Variants in CDHR2 observed in about 807,000 individuals in gnomAD.
CDHR2 encodes cadherin related family member 2, also known as cadherin-related family member 2.
CDHR2 carries 104 observed loss-of-function variants against 138.6 expected under a neutral mutation model. That is an observed-to-expected ratio of 0.75 (90% confidence interval 0.64 to 0.88). CDHR2 has a LOEUF of 0.88. Among genes scored for constraint, CDHR2 ranks in the 40% least tolerant of loss-of-function variants. The pLI, the probability that CDHR2 is intolerant of heterozygous loss-of-function variation, is 0.00. For synonymous variants in CDHR2, 755 were observed against 742.8 expected (o/e 1.02, Z -0.27); for missense variants, 1,624 against 1,727.6 (o/e 0.94, Z 1.06).
chr5:176,592,394 TG>T (rs1192653039), intron 30 of CDHR2, among the ~76,000 whole-genome samples: 1 of 147,844 alleles, frequency 6.8e-6, no homozygotes, highest in Non-Finnish European at 1.5e-5. Flanking sequence ...ATGATGATGA[TG>T]GTGGTGGTGG....
At chr5:176,595,406 G>C in intron 31 of CDHR2, 126 bp from the exon 32 acceptor site, 2 of 1,063,406 alleles carry the variant, frequency 1.9e-6, no homozygotes, top group Non-Finnish European at 2.6e-6. Context: ...GCCCCAGGAG[G>C]GGCAGGGTGG....
chr5:176,554,498 G>A (rs972549460), intron 1 of CDHR2, among the ~76,000 whole-genome samples: 1 of 152,342 alleles, frequency 6.6e-6, no homozygotes, highest in Non-Finnish European at 1.5e-5. Context: ...ATTCTCACAG[G>A]GGAGGGAACG....
At chr5:176,566,369 A>T (rs900882198) in intron 3 of CDHR2, among the ~76,000 whole-genome samples, 1 of 152,240 alleles carries the variant, frequency 6.6e-6, no homozygotes, top group Non-Finnish European at 1.5e-5. Flanking sequence ...GAACGAATGA[A>T]GTTTGGGAAA....
Position 176,575,811 on chromosome 5 carries a change from C to A in CDHR2, c.932C>A (p.Ala311Glu). The A allele has an allele frequency of 6.4e-7, 1 of 1,553,266 alleles. No individual in the cohort carries two copies. Among genetic ancestry groups the A allele is most frequent in the Non-Finnish European group, 8.7e-7 (1 of 1,147,932 alleles). ...GSLDREQLLE[A>E]DEEVQLQVTA... ...CTGGACCGTGAGCAGCTGCTGGAGG[C>A]GGATGAGGAGGTGCAGCTGCAGGTC... The change falls in exon 11 of 32, where the codon GCG becomes GAG. Residue 311 changes from alanine to glutamate, a missense_variant. Transcript: ENST00000261944.
chr5:176,591,681 T>C, intron 30 of CDHR2, 197 bp downstream of exon 30: 1 of 598,086 alleles, frequency 1.7e-6, no homozygotes, highest in African/African-American at 1.8e-5. Context: ...GTGGTGATGA[T>C]GACAACAATG....
intron 1 of CDHR2, among the ~76,000 whole-genome samples, chr5:176,558,941 C>T (rs1050212459): frequency 6.6e-6 from 1 of 152,196 alleles, no homozygotes; most frequent in African/African-American, 2.4e-5. Flanking sequence ...AATTGCTCAA[C>T]TCTGTTCCAT....
At chr5:176,554,836 T>C (rs563861133) in intron 1 of CDHR2, among the ~76,000 whole-genome samples, 20 of 152,172 alleles carry the variant, frequency 1.3e-4, no homozygotes, top group Non-Finnish European at 2.1e-4. Flanking sequence ...GTATTTTTAG[T>C]AGAGACGGGG....
At chr5:176,550,760 C>T (rs1272359929) in intron 1 of CDHR2, among the ~76,000 whole-genome samples, 2 of 152,182 alleles carry the variant, frequency 1.3e-5, no homozygotes, top group African/African-American at 4.8e-5. Context: ...GGAGGACCCA[C>T]CTCCCCACCC....
At chr5:176,588,252 G>A (rs1758716881) in intron 21 of CDHR2, among the ~76,000 whole-genome samples, 2 of 149,738 alleles carry the variant, frequency 1.3e-5, no homozygotes, top group East Asian at 3.9e-4. Context: ...GTGTGTATAA[G>A]GGTGAGTGAG....
intron 16 of CDHR2, among the ~76,000 whole-genome samples, chr5:176,580,167 C>T (rs1380508286): frequency 2.7e-5 from 4 of 149,108 alleles, no homozygotes; most frequent in Non-Finnish European, 5.9e-5. Context: ...CTCACACACG[C>T]ACTCACACAC....
chr5:176,580,154 ACACTCACACACG>A (rs1020389665), intron 16 of CDHR2, among the ~76,000 whole-genome samples: 2 of 148,688 alleles, frequency 1.3e-5, no homozygotes, highest in Non-Finnish European at 3.0e-5. Flanking sequence ...ACTCACACAC[ACACTCACACACG>A]CACTCACACA....
intron 3 of CDHR2, 89 bp downstream of exon 3, chr5:176,565,832 C>A: frequency 1.1e-6 from 1 of 917,980 alleles, no homozygotes; most frequent in South Asian, 1.4e-5. Flanking sequence ...ACCATGCCTG[C>A]AACTCCATGG....
chr5:176,565,594 T>C (rs995158957), intron 2 of CDHR2, 78 bp from the exon 3 acceptor site: 13 of 1,366,310 alleles, frequency 9.5e-6, no homozygotes, highest in African/African-American at 1.4e-5. Flanking sequence ...TAAGGACTAG[T>C]GTGTGCTCCC....
chr5:176,585,077 C>T, intron 19 of CDHR2, 62 bp downstream of exon 19: 2 of 1,474,214 alleles, frequency 1.4e-6, no homozygotes, highest in Non-Finnish European at 1.8e-6. Flanking sequence ...GGGAAGGAGC[C>T]CTGGGCTGGA....
intron 6 of CDHR2, among the ~76,000 whole-genome samples, chr5:176,573,489 TA>T (rs1021373941): frequency 6.6e-6 from 1 of 150,720 alleles, no homozygotes; most frequent in Non-Finnish European, 1.5e-5. Flanking sequence ...AAAATATATA[TA>T]AAAAAAATTA....
intron 1 of CDHR2, among the ~76,000 whole-genome samples, chr5:176,551,732 C>T (rs1375649560): frequency 1.5e-5 from 2 of 130,526 alleles, no homozygotes; most frequent in Non-Finnish European, 3.1e-5. Flanking sequence ...GACAGAGTCT[C>T]GCTCTGTCAC....
Position 176,578,511 on chromosome 5 carries a change from T to C in CDHR2, c.1721T>C (p.Ile574Thr). ...CTGTCCTCCTCCACCACACTGCAGA[T>C]CCACCTGCTGGACATCAACGACAAT... is the stretch of plus-strand genomic sequence containing the variant. ...GNLSSSTTLQIHLLDINDNAP... is the reference protein window; with the variant it reads ...GNLSSSTTLQTHLLDINDNAP... The change falls in exon 16 of 32, where the codon ATC (isoleucine) becomes ACC (threonine). Residue 574 changes from isoleucine (I) to threonine (T), a missense_variant. By Grantham distance (89) the Ile-to-Thr change is moderately conservative. Transcript: ENST00000261944. The C allele has an allele frequency of 6.2e-7, 1 of 1,614,032 alleles. No homozygotes were observed. The highest frequency in any genetic ancestry group is 8.5e-7 in the Non-Finnish European group (1 of 1,179,920).
intron 6 of CDHR2, among the ~76,000 whole-genome samples, chr5:176,572,212 C>T (rs1452819432): frequency 2.1e-5 from 3 of 141,020 alleles, no homozygotes; most frequent in African/African-American, 5.5e-5. Flanking sequence ...GGAGAAACCC[C>T]GTCTCTACTG....
In CDHR2 at chr5:176,549,401, C is replaced by T. The variant is rs538869719; in HGVS notation, c.-29C>T. On this transcript the variant is annotated 5_prime_UTR_variant, in exon 1 of 32. Transcript: ENST00000261944. ...CGGCGCCTGCCTGCCGCCTCCGTGG[C>T]GAAGGGGACACAGGTAGGGACTATC... 5 of 152,150 alleles carry T rather than the reference C, an allele frequency of 3.3e-5. No individual in the cohort carries two copies. Among genetic ancestry groups the T allele is most frequent in the Admixed American group, 6.5e-5 (1 of 15,284 alleles). The allele number at this position is 152,150 out of a possible 1,614,324, so 9.4% of individuals were successfully genotyped here.
Sources: gnomAD v4.1 joint callset for allele counts (sites outside exome capture counted in the v4.1 genomes callset) on GRCh38, gnomAD v4.1.1 for gene constraint, MANE v1.5 for transcripts, NCBI Gene and HGNC (gene_info 2026-07-23, HGNC 2026-07-21) for gene names.